Variants in MACROD2 observed in about 807,000 individuals in gnomAD.
MACROD2 encodes ADP-ribose glycohydrolase MACROD2.
MACROD2 carries 36 observed loss-of-function variants against 70.4 expected under a neutral mutation model. The ratio of observed to expected loss-of-function variants is 0.51; its 90% CI spans 0.39 to 0.68. The LOEUF is 0.68. MACROD2 is among the 30% of genes least tolerant of loss of function. The probability of loss-of-function intolerance (pLI) is 0.00; values close to 1 mark genes in which losing one functional copy is unlikely to be tolerated. For missense variants in MACROD2, 496 were observed against 538.4 expected (o/e 0.92, Z 0.78); for synonymous variants, 172 against 178.8 (o/e 0.96, Z 0.30).
At chr20:15,725,602 G>A (rs2050850039) in intron 8 of MACROD2, among the ~76,000 whole-genome samples, 1 of 152,014 alleles carries the variant, frequency 6.6e-6, no homozygotes, top group Non-Finnish European at 1.5e-5. Context: ...ATTAGTCAGT[G>A]CTTCCAAGAG....
chr20:14,729,277 G>A (rs780997289), intron 5 of MACROD2, among the ~76,000 whole-genome samples: 3 of 152,050 alleles, frequency 2.0e-5, no homozygotes, highest in East Asian at 1.9e-4. Flanking sequence ...GCATGCTACC[G>A]TACATACTTT....
intron 7 of MACROD2, among the ~76,000 whole-genome samples, chr20:15,450,704 G>A (rs980505273): frequency 6.6e-6 from 1 of 152,216 alleles, no homozygotes; most frequent in African/African-American, 2.4e-5. Flanking sequence ...GCAAAATAGT[G>A]ACAATGAGCT....
At chr20:15,148,237 G>A (rs1377202129) in intron 5 of MACROD2, among the ~76,000 whole-genome samples, 1 of 151,840 alleles carries the variant, frequency 6.6e-6, no homozygotes, top group Non-Finnish European at 1.5e-5. Flanking sequence ...TGTGGTAAGG[G>A]ATGACATTGT....
At chr20:15,832,392 A>G (rs945133441) in intron 8 of MACROD2, among the ~76,000 whole-genome samples, 16 of 152,152 alleles carry the variant, frequency 1.1e-4, no homozygotes, top group African/African-American at 3.4e-4. Context: ...AATGTTCTCA[A>G]TGGCAGGAAA....
chr20:14,705,071 G>T (rs1220746816), intron 5 of MACROD2, among the ~76,000 whole-genome samples: 1 of 151,754 alleles, frequency 6.6e-6, no homozygotes, highest in Non-Finnish European at 1.5e-5. Flanking sequence ...TCATCTTACA[G>T]TTTCCCATTT....
chr20:14,058,888 C>T (rs964782525), intron 2 of MACROD2, among the ~76,000 whole-genome samples: 2 of 152,060 alleles, frequency 1.3e-5, no homozygotes, highest in African/African-American at 4.8e-5. Flanking sequence ...ATGATCCGCC[C>T]ATCTCAGCCT....
chr20:15,567,756 C>A (rs1480853993), intron 8 of MACROD2, among the ~76,000 whole-genome samples: 1 of 152,206 alleles, frequency 6.6e-6, no homozygotes, highest in African/African-American at 2.4e-5. Flanking sequence ...GAAACTCGCA[C>A]TGGGTACCAT....
chr20:15,157,350 CCCCCCCCCA>C (rs2076314595), intron 5 of MACROD2, among the ~76,000 whole-genome samples: 1 of 7,682 alleles, frequency 1.3e-4, no homozygotes, highest in South Asian at 0.013. Flanking sequence ...TAATTAACCA[CCCCCCCCCA>C]CCTCCCCCCC....
At chr20:15,329,121 T>A (rs1270389236) in intron 6 of MACROD2, among the ~76,000 whole-genome samples, 1 of 151,818 alleles carries the variant, frequency 6.6e-6, no homozygotes, top group Non-Finnish European at 1.5e-5. Flanking sequence ...GTTAGCAGAG[T>A]CTATTCGATT....
chr20:14,769,232 G>T (rs1177836942), intron 5 of MACROD2, among the ~76,000 whole-genome samples: 1 of 152,086 alleles, frequency 6.6e-6, no homozygotes, highest in African/African-American at 2.4e-5. Context: ...TTGGTTGGTT[G>T]TAGAGCCAGT....
intron 5 of MACROD2, among the ~76,000 whole-genome samples, chr20:15,185,117 T>C (rs999633314): frequency 1.3e-5 from 2 of 152,170 alleles, no homozygotes; most frequent in African/African-American, 4.8e-5. Context: ...CTTAAGTACA[T>C]AGATCATACT....
At chr20:15,021,726 A>G (rs139035136) in intron 5 of MACROD2, 1 of 151,228 alleles carries the variant, frequency 6.6e-6, no homozygotes, top group East Asian at 1.9e-4. Context: ...GGGTGGAACT[A>G]ATAGTAGTGA....
intron 5 of MACROD2, among the ~76,000 whole-genome samples, chr20:14,853,760 C>T (rs968650902): frequency 6.6e-6 from 1 of 152,032 alleles, no homozygotes; most frequent in Non-Finnish European, 1.5e-5. Flanking sequence ...CAAGTATTTG[C>T]TTATAAGATT....
intron 8 of MACROD2, among the ~76,000 whole-genome samples, chr20:15,604,821 A>G (rs57862421): frequency 3.9e-5 from 6 of 152,318 alleles, no homozygotes; most frequent in African/African-American, 1.4e-4. Flanking sequence ...TTAGAGTTGC[A>G]TATTTCTGTT....
At position 13,997,830 on chromosome 20, in the gene MACROD2, A is replaced by G. The variant is rs138700666; in HGVS notation, c.46+2021A>G. Among the ~76,000 whole-genome samples the G allele has an allele frequency of 3.1e-3, 465 of 152,248 alleles. 2 individuals carry two copies. The highest frequency in any genetic ancestry group is 4.5e-3 in the Non-Finnish European group (304 of 68,008). On this transcript the variant is annotated intron_variant, in intron 1 of 17. Transcript: ENST00000684519. ...AGTGTTTCTTTTTTTCAGGATGTCT[A>G]TGTTTGGAATATTTAAATATAAAAT...
At chr20:15,294,766 C>T (rs749352006) in intron 6 of MACROD2, among the ~76,000 whole-genome samples, 20 of 152,186 alleles carry the variant, frequency 1.3e-4, no homozygotes, top group African/African-American at 3.6e-4. Context: ...GTGGAATTGA[C>T]GTTCTTGGTT....
At chr20:15,509,286 T>G (rs2047468591) in intron 8 of MACROD2, among the ~76,000 whole-genome samples, 1 of 152,242 alleles carries the variant, frequency 6.6e-6, no homozygotes, top group South Asian at 2.1e-4. Context: ...TTCTGATGGC[T>G]GTATTTTTCT....
intron 5 of MACROD2, among the ~76,000 whole-genome samples, chr20:14,821,453 A>G (rs1198303912): frequency 6.6e-6 from 1 of 152,026 alleles, no homozygotes; most frequent in African/African-American, 2.4e-5. Context: ...CATCTCTGTA[A>G]AATCCTGGTT....
At chr20:15,877,921 A>T (rs75513458) in intron 9 of MACROD2, among the ~76,000 whole-genome samples, 2 of 152,064 alleles carry the variant, frequency 1.3e-5, no homozygotes, top group Non-Finnish European at 2.9e-5. Context: ...TGAAAATTTG[A>T]CAAGGGAATT....
Sources: allele counts gnomAD v4.1 joint callset (sites outside exome capture counted in the v4.1 genomes callset), GRCh38; gene constraint gnomAD v4.1.1; transcripts MANE v1.5; gene names NCBI Gene and HGNC (gene_info 2026-07-23, HGNC 2026-07-21).